The following DNAH12 variants were observed in gnomAD, a reference collection of about 807,000 sequenced individuals.
DNAH12 encodes the protein axonemal beta dynein heavy chain 12.
In DNAH12, 285 loss-of-function variants were observed where a neutral mutation model predicts 371.5. That is an observed-to-expected ratio of 0.77 (90% CI 0.70 to 0.85). The LOEUF (loss-of-function observed/expected upper bound fraction) is 0.85, where lower values mean the gene tolerates loss of function less well. Among genes scored for constraint, DNAH12 ranks in the 40% least tolerant of loss-of-function variants. The pLI is 0.00. For synonymous variants in DNAH12, 1,200 were observed against 1,213.0 expected (o/e 0.99, Z 0.22); for missense variants, 3,611 against 3,689.4 (o/e 0.98, Z 0.55).
At chr3:57,336,595 C>G (rs2062228126) in intron 60 of DNAH12, among the ~76,000 whole-genome samples, 1 of 113,222 alleles carries the variant, frequency 8.8e-6, no homozygotes, top group African/African-American at 3.4e-5. Context: ...GGGGAAGTTT[C>G]AGATAATTGG....
intron 29 of DNAH12, among the ~76,000 whole-genome samples, chr3:57,440,895 TAGG>T (rs1429153033): frequency 1.3e-5 from 2 of 152,086 alleles, no homozygotes; most frequent in African/African-American, 4.8e-5. Context: ...AAGGCTGATG[TAGG>T]AGGATTGCTT....
intron 65 of DNAH12, among the ~76,000 whole-genome samples, chr3:57,322,068 C>T (rs192847084): frequency 6.6e-6 from 1 of 152,228 alleles, no homozygotes; most frequent in African/African-American, 2.4e-5. Flanking sequence ...CTCTCGGGTC[C>T]TAATCAAAAA....
chr3:57,377,957 GTGAA>G lies in DNAH12; in HGVS notation c.8224-739_8224-736del, dbSNP rs1241336601. On this transcript the variant is annotated intron_variant, in intron 52 of 73. Coordinates refer to ENST00000495027, the MANE Select transcript of DNAH12 (RefSeq NM_001366028.2). ...GACCTAACTCTTCTGGTAAATTGCT[GTGAA>G]TGAAGCTGAAGGCAAGGAGGGACAA... Among the ~76,000 whole-genome samples the G allele has an allele frequency of 3.3e-5, 5 of 152,252 alleles. No individual in the cohort carries two copies. The East Asian group carries it at 9.6e-4, about 29-fold the overall frequency.
At chr3:57,522,248 A>G (rs2068478197) in intron 4 of DNAH12, among the ~76,000 whole-genome samples, 1 of 152,082 alleles carries the variant, frequency 6.6e-6, no homozygotes, top group African/African-American at 2.4e-5. Flanking sequence ...AATAAATAAA[A>G]GAAAAAATAT....
intron 32 of DNAH12, 55 bp from the exon 33 acceptor site, chr3:57,429,829 T>C: frequency 5.0e-6 from 7 of 1,395,256 alleles, no homozygotes; most frequent in Non-Finnish European, 6.7e-6. Context: ...GTTTCTCAGA[T>C]AAAAATTTAT....
the DNAH12 span, among the ~76,000 whole-genome samples, chr3:57,552,979 C>T: frequency 6.6e-6 from 1 of 152,044 alleles, no homozygotes; most frequent in Non-Finnish European, 1.5e-5. Flanking sequence ...GAGTTTGAGG[C>T]CAGCCTGACC....
chr3:57,537,808 C>T (rs1224284443), intron 2 of DNAH12, among the ~76,000 whole-genome samples: 1 of 151,874 alleles, frequency 6.6e-6, no homozygotes, highest in African/African-American at 2.4e-5. Flanking sequence ...CCTCAGCCTC[C>T]CGAGTAGCTA....
Position 57,352,276 on chromosome 3 carries a change from T to C in DNAH12, c.9534-51A>G, listed in dbSNP as rs186998798. On this transcript the variant is annotated intron_variant, in intron 59 of 73. Transcript: ENST00000495027. ...ATTGTCAAACAAAACTAAGAAAATA[T>C]AAGCAATGTGAATTAACATATACAC... 9 of 1,485,826 alleles carry C rather than the reference T, an allele frequency of 6.1e-6. No individual in the cohort carries two copies. In the Admixed American group the frequency reaches 1.8e-4, roughly 30 times the overall value. 92.0% of individuals were successfully genotyped at this position (1,485,826 alleles called of 1,614,324 possible).
At chr3:57,406,733 TTCTA>T (rs1352837226) in intron 40 of DNAH12, among the ~76,000 whole-genome samples, 5 of 152,228 alleles carry the variant, frequency 3.3e-5, no homozygotes, top group African/African-American at 9.6e-5. Context: ...CTCTCTTCCC[TTCTA>T]TCTCTTATTC....
rs182884509 is a variant in DNAH12, at chr3:57,402,091, A to G, written c.6948+1218T>C. ...TTGTAGTTAATTTGGTAGACAATGC[A>G]TCAAAAGTTTTCCTCTAAAGTGTAA... On this transcript the variant is annotated intron_variant, in intron 43 of 73. Coordinates refer to ENST00000495027, the MANE Select transcript of DNAH12 (RefSeq NM_001366028.2). Among the ~76,000 whole-genome samples the G allele has an allele frequency of 7.2e-5, 11 of 152,334 alleles. No homozygotes were observed. In the East Asian group the frequency reaches 2.1e-3, roughly 29 times the overall value.
At position 57,334,362 on chromosome 3, in the gene DNAH12, A is replaced by C. The variant is rs1387637335; in HGVS notation, c.9978+103T>G. ...GAGCTCAATGAACTGTAAGCTGGATAATCAATCTGAGAGTTAAAGAATCAA... is the reference window on the plus strand; with the variant it reads ...GAGCTCAATGAACTGTAAGCTGGATCATCAATCTGAGAGTTAAAGAATCAA... On this transcript the variant is annotated intron_variant, in intron 62 of 73. Transcript: ENST00000495027. 4.0e-6 allele frequency: 5 copies of C among 1,243,038 alleles called. No individual in the cohort carries two copies. In the African/African-American group the frequency reaches 4.6e-5, roughly 12 times the overall value. The allele number at this position is 1,243,038 out of a possible 1,614,324, so 77.0% of individuals were successfully genotyped here. A position where few individuals can be genotyped will look rare whatever the true frequency, so the allele number is the denominator to read the frequency against.
chr3:57,448,786 A>G (rs1050631648), intron 25 of DNAH12, among the ~76,000 whole-genome samples: 3 of 152,204 alleles, frequency 2.0e-5, no homozygotes, highest in Non-Finnish European at 4.4e-5. Flanking sequence ...AGTTAGATAC[A>G]GAGTATGGAC....
intron 62 of DNAH12, among the ~76,000 whole-genome samples, chr3:57,324,721 A>T (rs2061893141): frequency 6.6e-6 from 1 of 152,222 alleles, no homozygotes; most frequent in Non-Finnish European, 1.5e-5. Flanking sequence ...CAGTGGGCGC[A>T]GGTCAGTGGG....
At chr3:57,323,893 C>T (rs1223173608) in intron 62 of DNAH12, among the ~76,000 whole-genome samples, 1 of 152,124 alleles carries the variant, frequency 6.6e-6, no homozygotes, top group East Asian at 1.9e-4. Flanking sequence ...CTCAATGTCA[C>T]TCATTATAGC....
chr3:57,411,040 T>C (rs1350062617), intron 39 of DNAH12, among the ~76,000 whole-genome samples: 1 of 152,018 alleles, frequency 6.6e-6, no homozygotes, highest in Non-Finnish European at 1.5e-5. Flanking sequence ...AAAAAAGGTA[T>C]ACCGACTGGG....
At chr3:57,346,244 T>C (rs2062539173) in intron 60 of DNAH12, among the ~76,000 whole-genome samples, 1 of 152,064 alleles carries the variant, frequency 6.6e-6, no homozygotes, top group Non-Finnish European at 1.5e-5. Context: ...CAACAATGTA[T>C]TTGGTGACTA....
intron 59 of DNAH12, among the ~76,000 whole-genome samples, chr3:57,352,925 C>T (rs1026627946): frequency 3.9e-5 from 6 of 151,966 alleles, no homozygotes; most frequent in Admixed American, 3.3e-4. Flanking sequence ...CTCATCTCTA[C>T]TAAAAATACA....
intron 65 of DNAH12, among the ~76,000 whole-genome samples, chr3:57,318,299 T>C (rs1157164049): frequency 6.6e-6 from 1 of 152,206 alleles, no homozygotes; most frequent in Non-Finnish European, 1.5e-5. Context: ...AAATCTTACA[T>C]GTAAGTCTTT....
chr3:57,351,738 G>A (rs1258847537), intron 60 of DNAH12, among the ~76,000 whole-genome samples: 2 of 152,132 alleles, frequency 1.3e-5, no homozygotes, highest in Non-Finnish European at 2.9e-5. Flanking sequence ...TTATAAATGA[G>A]TCTATGGTAG....
Sources: allele counts gnomAD v4.1 joint callset (sites outside exome capture counted in the v4.1 genomes callset), GRCh38; gene constraint gnomAD v4.1.1; transcripts MANE v1.5; gene names NCBI Gene and HGNC (gene_info 2026-07-23, HGNC 2026-07-21).